Variants in PREP observed in about 807,000 individuals in gnomAD.
The protein encoded by PREP is prolyl endopeptidase.
Under a neutral mutation model 87.6 loss-of-function variants are expected in PREP, and 29 were observed. The observed-to-expected ratio is 0.33, with a 90% CI of 0.25 to 0.45. PREP has a LOEUF of 0.45. Among genes scored for constraint, PREP ranks in the 20% least tolerant of loss-of-function variants. PREP has a pLI of 1.00. For missense variants in PREP, 695 were observed against 886.5 expected (o/e 0.78, Z 2.74); for synonymous variants, 337 against 328.6 (o/e 1.03, Z -0.28).
At chr6:105,354,370 A>G (rs1772037761) in intron 6 of PREP, among the ~76,000 whole-genome samples, 1 of 152,216 alleles carries the variant, frequency 6.6e-6, no homozygotes, top group Non-Finnish European at 1.5e-5. Context: ...ATTATTCTCC[A>G]AAGTGGTTGT....
At chr6:105,359,891 C>T (rs1376909186) in intron 6 of PREP, among the ~76,000 whole-genome samples, 1 of 152,176 alleles carries the variant, frequency 6.6e-6, no homozygotes, top group Non-Finnish European at 1.5e-5. Flanking sequence ...TCTCCCTCTG[C>T]TGCGATCGTT....
At chr6:105,353,200 ATGATC>A (rs1300204804) in intron 6 of PREP, 123 bp from the exon 7 acceptor site, 6 of 650,002 alleles carry the variant, frequency 9.2e-6, no homozygotes. Flanking sequence ...CCCCAAACTC[ATGATC>A]TGATAAGAAA....
intron 2 of PREP, among the ~76,000 whole-genome samples, chr6:105,396,032 T>C (rs1213687648): frequency 6.6e-6 from 1 of 152,230 alleles, no homozygotes; most frequent in Non-Finnish European, 1.5e-5. Flanking sequence ...ACACCTGTTC[T>C]CTGTCCCCTC....
At chr6:105,386,705 G>A (rs1199768296) in intron 2 of PREP, among the ~76,000 whole-genome samples, 1 of 152,192 alleles carries the variant, frequency 6.6e-6, no homozygotes, top group Non-Finnish European at 1.5e-5. Flanking sequence ...CCCTAGGGCA[G>A]TTTTCCCAAA....
intron 11 of PREP, among the ~76,000 whole-genome samples, chr6:105,287,598 T>C (rs1770214367): frequency 1.3e-5 from 2 of 152,240 alleles, no homozygotes; most frequent in Non-Finnish European, 1.5e-5. Flanking sequence ...TATTGAGTGC[T>C]CAAAACAAAG....
At chr6:105,325,111 G>T (rs867944836) in intron 9 of PREP, among the ~76,000 whole-genome samples, 1 of 152,118 alleles carries the variant, frequency 6.6e-6, no homozygotes, top group Non-Finnish European at 1.5e-5. Context: ...GGGGTAAAAG[G>T]CTATCTCTTG....
chr6:105,333,733 C>T (rs1042184718), intron 7 of PREP, among the ~76,000 whole-genome samples: 1 of 152,110 alleles, frequency 6.6e-6, no homozygotes, highest in Non-Finnish European at 1.5e-5. Flanking sequence ...ACCTCTCTTC[C>T]CGGCCCATCA....
intron 6 of PREP, among the ~76,000 whole-genome samples, chr6:105,359,754 TA>T (rs1486551166): frequency 6.6e-6 from 1 of 152,124 alleles, no homozygotes; most frequent in Non-Finnish European, 1.5e-5. Flanking sequence ...GACAACTGGT[TA>T]ATGTAGGTTT....
intron 7 of PREP, among the ~76,000 whole-genome samples, 181 bp from the exon 8 acceptor site, chr6:105,333,686 G>C (rs1343184361): frequency 6.6e-6 from 1 of 152,060 alleles, no homozygotes; most frequent in African/African-American, 2.4e-5. Context: ...ATGCTAAGGA[G>C]CCCCTGAAAA....
chr6:105,308,930 G>A (rs937525470), intron 10 of PREP, among the ~76,000 whole-genome samples: 5 of 152,054 alleles, frequency 3.3e-5, no homozygotes, highest in Admixed American at 2.0e-4. Flanking sequence ...GATGGAGAGC[G>A]AAGGAGTCTC....
chr6:105,300,781 C>T (rs1374450318), intron 10 of PREP, among the ~76,000 whole-genome samples: 5 of 152,000 alleles, frequency 3.3e-5, no homozygotes, highest in Admixed American at 3.3e-4. Flanking sequence ...CACAAGAGGG[C>T]AATCACTAAA....
At chr6:105,342,008 G>C (rs1002408080) in intron 7 of PREP, among the ~76,000 whole-genome samples, 4 of 152,196 alleles carry the variant, frequency 2.6e-5, no homozygotes, top group African/African-American at 7.2e-5. Context: ...AATAGAAAAA[G>C]AGGGAATCCT....
Position 105,278,544 on chromosome 6 carries a change from G to C in PREP, c.1839-106C>G. 8.6e-7 allele frequency: 1 copy of C among 1,161,796 alleles called. No homozygotes were observed. Among genetic ancestry groups the C allele is most frequent in the South Asian group, 1.5e-5 (1 of 67,020 alleles). The allele number at this position is 1,161,796 out of a possible 1,614,324, so 72.0% of individuals were successfully genotyped here. On this transcript the variant is annotated intron_variant, in intron 14 of 14. Transcript: ENST00000652536. This position sits in a 1 kb window ranked among gnomAD's most constrained non-coding sequence, Gnocchi z 4.2. Reference sequence around the variant, plus strand: ...AGTGAGGACTGCAGTTAACTAGTACGTGAGTGACCACCATGGACTGTGCCT... The same window carrying C: ...AGTGAGGACTGCAGTTAACTAGTACCTGAGTGACCACCATGGACTGTGCCT...
In PREP at chr6:105,364,706, G is replaced by A. The variant is rs141433777; in HGVS notation, c.717+4197C>T. ...CCAGTTTCAGAGCTGAAAAAGCCCT[G>A]GAAGAAATAAAGGAAATGACCTTGA... On this transcript the variant is annotated intron_variant, in intron 6 of 14. Coordinates refer to ENST00000652536, the MANE Select transcript of PREP (RefSeq NM_002726.5). Among the ~76,000 whole-genome samples the A allele has an allele frequency of 2.2e-4, 33 of 152,262 alleles. No individual in the cohort carries two copies. The East Asian group carries it at 6.0e-3, about 28-fold the overall frequency.
intron 7 of PREP, among the ~76,000 whole-genome samples, chr6:105,337,724 C>T (rs1205501294): frequency 2.0e-5 from 3 of 152,142 alleles, no homozygotes; most frequent in Non-Finnish European, 2.9e-5. Flanking sequence ...TCTTTCATGC[C>T]AACTAAGCAA....
At chr6:105,323,514 T>C (rs1771070974) in intron 10 of PREP, 151 bp downstream of exon 10, 1 of 713,216 alleles carries the variant, frequency 1.4e-6, no homozygotes, top group Admixed American at 2.3e-5. Context: ...GAATCCTGAG[T>C]GTTTGGCTCA....
chr6:105,369,125 G>C (rs1772472000), intron 5 of PREP, 101 bp from the exon 6 acceptor site: 1 of 1,230,908 alleles, frequency 8.1e-7, no homozygotes, highest in Non-Finnish European at 1.2e-6. Flanking sequence ...CAAGTAGCTG[G>C]CTGCAGGATA....
intron 2 of PREP, among the ~76,000 whole-genome samples, chr6:105,385,451 C>T (rs11152884): frequency 0.039 from 5,998 of 152,090 alleles, 158 homozygotes; most frequent in South Asian, 0.11. Context: ...TAACTTCATG[C>T]TAGTAATTTT....
In PREP at chr6:105,324,267, G is replaced by A. The variant is rs116295140; in HGVS notation, c.1214-499C>T. 3.4e-3 allele frequency among the ~76,000 whole-genome samples: 522 copies of A among 152,204 alleles called. 1 individual carries two copies. Among genetic ancestry groups the A allele is most frequent in the African/African-American group, 0.012 (494 of 41,516 alleles). ...AAACACTCTGGGGCTCCTGCTACCTGGCACCTACCTATCTGTGGACACTCA... is the reference window on the plus strand; with the variant it reads ...AAACACTCTGGGGCTCCTGCTACCTAGCACCTACCTATCTGTGGACACTCA... On this transcript the variant is annotated intron_variant, in intron 9 of 14. Transcript: ENST00000652536.
Sources: allele counts gnomAD v4.1 joint callset (sites outside exome capture counted in the v4.1 genomes callset), GRCh38; gene constraint gnomAD v4.1.1; non-coding constraint Gnocchi (gnomAD v3.1); transcripts MANE v1.5; gene names NCBI Gene and HGNC (gene_info 2026-07-23, HGNC 2026-07-21).